The following APOL5 variants were observed in gnomAD, a reference collection of about 807,000 sequenced individuals.
APOL5 encodes the protein apolipoprotein L5.
A neutral mutation model predicts 35.5 loss-of-function variants in APOL5; 29 were observed. That is an observed-to-expected ratio of 0.82 (90% CI 0.61 to 1.11). The LOEUF (loss-of-function observed/expected upper bound fraction) is 1.11. Among genes scored for constraint, APOL5 ranks in the 50% most tolerant of loss-of-function variants. APOL5 has a pLI of 0.00. For synonymous variants in APOL5, 188 were observed against 200.2 expected (o/e 0.94, Z 0.51); for missense variants, 514 against 530.4 (o/e 0.97, Z 0.30).
chr22:35,727,477 T>A (rs997581050), intron 3 of APOL5, among the ~76,000 whole-genome samples: 1 of 152,230 alleles, frequency 6.6e-6, no homozygotes, highest in African/African-American at 2.4e-5. Context: ...TCTCCTGTGG[T>A]CTGCAGGCTC....
intron 3 of APOL5, 137 bp from the exon 4 acceptor site, chr22:35,728,586 G>C: frequency 2.0e-6 from 2 of 982,004 alleles, no homozygotes; most frequent in Admixed American, 6.4e-5. Flanking sequence ...GGGACCCACT[G>C]CCCTGGGGCG....
intron 1 of APOL5, among the ~76,000 whole-genome samples, chr22:35,718,904 G>T (rs1240915419): frequency 6.6e-6 from 1 of 151,704 alleles, no homozygotes; most frequent in Non-Finnish European, 1.5e-5. Flanking sequence ...ACTACAAATA[G>T]AAAACTTATC....
chr22:35,720,826 A>T (rs925357067), intron 2 of APOL5, among the ~76,000 whole-genome samples, 172 bp downstream of exon 2: 1 of 152,054 alleles, frequency 6.6e-6, no homozygotes, highest in Non-Finnish European at 1.5e-5. Flanking sequence ...GCTCACTGCA[A>T]CCTCTGCCTC....
chr22:35,727,167 C>A lies in APOL5; in HGVS notation c.1099C>A (p.Arg367=), dbSNP rs1020979664. ...TCSSSRGRAV[R]GSRVVKPEGS... Reference sequence around the variant, plus strand: ...TTCCAGCTCCCGGGGCAGGGCTGTTCGAGGATCCCGTGTGGTTAAACCAGA... The same window carrying A: ...TTCCAGCTCCCGGGGCAGGGCTGTTAGAGGATCCCGTGTGGTTAAACCAGA... The change falls in exon 3 of 5, where the codon CGA becomes AGA. Residue 367 remains arginine (R), a synonymous_variant. Coordinates refer to ENST00000249044, the MANE Select transcript of APOL5 (RefSeq NM_030642.1). The A allele has an allele frequency of 6.2e-7, 1 of 1,603,600 alleles. No individual in the cohort carries two copies.
upstream of APOL5, among the ~76,000 whole-genome samples, chr22:35,717,235 A>ATATATATATATATATATATATAT (rs1555930035): frequency 3.5e-5 from 2 of 57,662 alleles, no homozygotes; most frequent in African/African-American, 1.6e-4. Flanking sequence ...AAAAAAAAAA[A>ATATATATATATATATATATATAT]ATATATATAT....
At chr22:35,721,545 A>T (rs1018141239) in intron 2 of APOL5, among the ~76,000 whole-genome samples, 1 of 16,634 alleles carries the variant, frequency 6.0e-5, no homozygotes, top group Admixed American at 3.5e-4. Context: ...GGCTTCATTT[A>T]AAAAAAAAAA....
chr22:35,713,177 T>C (rs1455588322), upstream of APOL5, among the ~76,000 whole-genome samples: 1 of 152,246 alleles, frequency 6.6e-6, no homozygotes, highest in East Asian at 1.9e-4. Flanking sequence ...TTTGGCATCC[T>C]TTTAATCTAG....
At chr22:35,721,469 G>T (rs1405120006) in intron 2 of APOL5, among the ~76,000 whole-genome samples, 2 of 152,066 alleles carry the variant, frequency 1.3e-5, no homozygotes. Context: ...CTTGAACCCG[G>T]GAGGCGGAGG....
upstream of APOL5, among the ~76,000 whole-genome samples, chr22:35,717,632 C>G (rs943228775): frequency 2.7e-5 from 4 of 150,402 alleles, no homozygotes; most frequent in African/African-American, 9.8e-5. Flanking sequence ...CCCAGCTACT[C>G]AGAAGGCTGA....
At chr22:35,727,702 C>G (rs780277825) in intron 3 of APOL5, among the ~76,000 whole-genome samples, 26 of 152,226 alleles carry the variant, frequency 1.7e-4, no homozygotes, top group Admixed American at 6.5e-4. Flanking sequence ...TCCCCAGCAC[C>G]TAGCAGTGCT....
chr22:35,718,335 C>T (rs780643963), intron 1 of APOL5, among the ~76,000 whole-genome samples: 3 of 152,108 alleles, frequency 2.0e-5, no homozygotes, highest in Non-Finnish European at 4.4e-5. Flanking sequence ...CCCCAAAGCA[C>T]GGTTGGGCGC....
intron 1 of APOL5, among the ~76,000 whole-genome samples, 160 bp from the exon 2 acceptor site, chr22:35,720,408 C>T (rs1266630070): frequency 6.6e-6 from 1 of 152,168 alleles, no homozygotes; most frequent in Non-Finnish European, 1.5e-5. Context: ...AGACAAAAAT[C>T]ATGTGACATT....
chr22:35,711,203 A>G, the APOL5 span, among the ~76,000 whole-genome samples: 1 of 152,100 alleles, frequency 6.6e-6, no homozygotes, highest in Non-Finnish European at 1.5e-5. Context: ...AAGCAAACAA[A>G]CAAAAAAGAC....
intron 1 of APOL5, among the ~76,000 whole-genome samples, chr22:35,718,878 T>G (rs1192662083): frequency 6.6e-6 from 1 of 151,892 alleles, no homozygotes; most frequent in African/African-American, 2.4e-5. Flanking sequence ...GCCAACATGG[T>G]GAAACCCCCA....
chr22:35,710,514 T>C, the APOL5 span, among the ~76,000 whole-genome samples: 1 of 151,932 alleles, frequency 6.6e-6, no homozygotes, highest in African/African-American at 2.4e-5. Flanking sequence ...CACACACATA[T>C]ATATATATTC....
the APOL5 span, among the ~76,000 whole-genome samples, chr22:35,710,817 G>A: frequency 1.3e-5 from 2 of 152,136 alleles, no homozygotes; most frequent in South Asian, 4.1e-4. Context: ...TTTGTGAGTG[G>A]CTTATTTCAC....
chr22:35,716,719 T>TC (rs1926755449), upstream of APOL5, among the ~76,000 whole-genome samples: 1 of 151,388 alleles, frequency 6.6e-6, no homozygotes, highest in Non-Finnish European at 1.5e-5. Context: ...TCGAGAATAT[T>TC]CCCCTACTCC....
chr22:35,727,110 C>G lies in APOL5; in HGVS notation c.1042C>G (p.Arg348Gly), dbSNP rs905737509. Reference protein sequence around the residue: ...QELDRLTQHHRHLPQKASQTC... With the variant: ...QELDRLTQHHGHLPQKASQTC... ...GCTGGACCGGCTCACCCAGCACCACCGGCACCTGCCGCAGAAGGCGAGCCA... is the reference window on the plus strand; with the variant it reads ...GCTGGACCGGCTCACCCAGCACCACGGGCACCTGCCGCAGAAGGCGAGCCA... The change falls in exon 3 of 5, where the codon CGG (arginine) becomes GGG (glycine). Residue 348 changes from arginine to glycine, a missense_variant. Physicochemically the swap from Arg to Gly is moderately radical, Grantham distance 125. Around this residue, in one of 3 missense-constraint regions of APOL5, gnomAD observed 238 missense variants for 229.1 expected, o/e 1.04. Transcript: ENST00000249044. 1.9e-6 allele frequency: 3 copies of G among 1,609,884 alleles called. No individual in the cohort carries two copies. The African/African-American group carries it at 4.0e-5, about 21-fold the overall frequency.
At chr22:35,713,577 C>T (rs776825593), upstream of APOL5, among the ~76,000 whole-genome samples, 5 of 152,190 alleles carry the variant, frequency 3.3e-5, no homozygotes, top group Admixed American at 6.5e-5. Flanking sequence ...TATGGCGCCC[C>T]GCCACTCATC....
Sources: gnomAD v4.1 joint callset for allele counts (sites outside exome capture counted in the v4.1 genomes callset) on GRCh38, gnomAD v4.1.1 for gene constraint, gnomAD v4.1.1 regional missense constraint, MANE v1.5 for transcripts, NCBI Gene and HGNC (gene_info 2026-07-23, HGNC 2026-07-21) for gene names.